CETN3: variants seen among roughly 807,000 people sequenced by gnomAD.
CETN3 encodes centrin-3.
Under a neutral mutation model 20.1 loss-of-function variants are expected in CETN3, and 17 were observed. The ratio of observed to expected loss-of-function variants is 0.85; its 90% confidence interval spans 0.58 to 1.27. The LOEUF is 1.27. CETN3 is among the 50% of genes most tolerant of loss of function. The probability of loss-of-function intolerance (pLI) is 0.00; values close to 1 mark genes in which losing one functional copy is unlikely to be tolerated. For synonymous variants in CETN3, 52 were observed against 59.7 expected, an observed-to-expected ratio of 0.87 and a Z score of 0.59; for missense variants, 169 against 191.2, an observed-to-expected ratio of 0.88 and a Z score of 0.69.
In CETN3 at chr5:90,402,252, C is replaced by G. The variant is rs150776971; in HGVS notation, c.269-2703G>C. Among the ~76,000 whole-genome samples the G allele has an allele frequency of 2.4e-3, 372 of 152,316 alleles. 2 individuals are homozygous for G. Among genetic ancestry groups the G allele is most frequent in the Non-Finnish European group, 4.0e-3 (270 of 68,024 alleles). On this transcript the variant is annotated intron_variant, in intron 3 of 4. Coordinates refer to ENST00000283122, the MANE Select transcript of CETN3 (RefSeq NM_004365.4). ...GTCTCTCTTCCTTCCAACTCATCAT[C>G]AATAATACTCTCATCAGTTTTCTTT...
chr5:90,409,588 C>A (rs1240336669), intron 1 of CETN3, 57 bp downstream of exon 1: 2 of 1,606,784 alleles, frequency 1.2e-6, no homozygotes, highest in African/African-American at 1.3e-5. Flanking sequence ...TCCACACACA[C>A]CCTCCCTGGG....
intron 3 of CETN3, among the ~76,000 whole-genome samples, chr5:90,400,756 C>T (rs953383509): frequency 1.3e-5 from 2 of 152,118 alleles, no homozygotes; most frequent in African/African-American, 4.8e-5. Flanking sequence ...ATATCATCTA[C>T]ACATATTTTC....
chr5:90,399,115 A>ATCT, intron 4 of CETN3: 1 of 586,864 alleles, frequency 1.7e-6, no homozygotes, highest in Non-Finnish European at 3.0e-6. Flanking sequence ...CTGAAATTAT[A>ATCT]TTGAAAGGCT....
intron 3 of CETN3, among the ~76,000 whole-genome samples, chr5:90,402,310 T>C (rs1038051298): frequency 3.9e-5 from 6 of 152,210 alleles, no homozygotes; most frequent in Admixed American, 2.6e-4. Context: ...CCCTTAAAAA[T>C]TGTGAATGAT....
chr5:90,396,378 C>A, intron 4 of CETN3: 1 of 1,395,704 alleles, frequency 7.2e-7, no homozygotes. Flanking sequence ...TGATCTTTAA[C>A]CTTTGCAGTT....
intron 1 of CETN3, among the ~76,000 whole-genome samples, chr5:90,408,552 C>T (rs1282903604): frequency 1.3e-5 from 2 of 151,972 alleles, no homozygotes; most frequent in African/African-American, 4.8e-5. Flanking sequence ...ACATGTAAAC[C>T]GGAGGTTAAC....
chr5:90,396,451 T>A (rs1749138326), intron 4 of CETN3: 1 of 1,521,630 alleles, frequency 6.6e-7, no homozygotes, highest in Admixed American at 2.0e-5. Flanking sequence ...ATAAATACAG[T>A]TCAAATATAT....
intron 3 of CETN3, among the ~76,000 whole-genome samples, chr5:90,400,532 T>C (rs993957143): frequency 6.0e-5 from 9 of 151,196 alleles, no homozygotes; most frequent in African/African-American, 1.5e-4. Flanking sequence ...AAGGTATTTA[T>C]GGCCTTTACT....
rs773598901 is a variant in CETN3 at position 90,394,040 on chromosome 5, C to T, written c.*24G>A. ...AATATAAGATGGTAACTGCAACATT[C>T]TTAGTGTTTATCCTTGTAATTCTTT... is the stretch of plus-strand genomic sequence containing the variant. On this transcript the variant is annotated 3_prime_UTR_variant, in exon 5 of 5. Transcript: ENST00000283122. The T allele has an allele frequency of 6.8e-7, 1 of 1,472,308 alleles. No individual in the cohort carries two copies. Among genetic ancestry groups the T allele is most frequent in the Non-Finnish European group, 9.4e-7 (1 of 1,063,544 alleles). 91.2% of individuals were successfully genotyped at this position (1,472,308 alleles called of 1,614,324 possible).
intron 4 of CETN3, chr5:90,396,486 T>C (rs1433796927): frequency 3.3e-6 from 5 of 1,530,644 alleles, no homozygotes; most frequent in Non-Finnish European, 4.4e-6. Context: ...GTTTAGCCAG[T>C]GTGCACCTTC....
rs754567521 is a variant in CETN3, at chr5:90,405,716, C to T, written c.237G>A (p.Gly79=). 3 of 1,611,504 alleles carry T rather than the reference C, an allele frequency of 1.9e-6. No homozygotes were observed. The highest frequency in any genetic ancestry group is 2.5e-6 in the Non-Finnish European group (3 of 1,177,928). Residue 79 remains glycine (G), a synonymous_variant, in exon 3 of 5, where the codon GGG becomes GGA. Transcript: ENST00000283122. ...ILKDYDREAT[G]KITFEDFNEV... is the part of the protein sequence containing the mutation. ...CATTAAAATCTTCAAAGGTGATTTT[C>T]CCTGTGGCTTCTCTGTCATAATCTT...
At chr5:90,400,874 A>T (rs539537066) in intron 3 of CETN3, among the ~76,000 whole-genome samples, 1 of 152,324 alleles carries the variant, frequency 6.6e-6, no homozygotes, top group East Asian at 1.9e-4. Context: ...ATATTCAGTC[A>T]AAAAGAAGCT....
intron 4 of CETN3, among the ~76,000 whole-genome samples, chr5:90,397,781 T>G (rs2151882069): frequency 6.6e-6 from 1 of 152,268 alleles, no homozygotes; most frequent in African/African-American, 2.4e-5. Context: ...ATTAGCTTTG[T>G]GATAACCTGG....
At chr5:90,396,477 T>C in intron 4 of CETN3, 1 of 1,529,278 alleles carries the variant, frequency 6.5e-7, no homozygotes, top group Non-Finnish European at 8.8e-7. Context: ...TATTAATCAG[T>C]TTAGCCAGTG....
In CETN3 at chr5:90,399,524, A is replaced by C; in HGVS notation, c.294T>G (p.Asp98Glu). The C allele has an allele frequency of 6.2e-7, 1 of 1,613,142 alleles. No individual in the cohort carries two copies. The highest frequency in any genetic ancestry group is 8.5e-7 in the Non-Finnish European group (1 of 1,179,466). ...ATGCCTTGAGTATTTCTTCATGGGG[A>C]TCTCTTTCCAATATCCAGTCTGTCA... ...EVVTDWILER[D>E]PHEEILKAFK... The change falls in exon 4 of 5, where the codon GAT (aspartate) becomes GAG (glutamate). Residue 98 changes from aspartate to glutamate, a missense_variant. Asp to Glu is a conservative substitution (Grantham distance 45). Coordinates refer to ENST00000283122, the MANE Select transcript of CETN3 (RefSeq NM_004365.4).
Position 90,393,892 on chromosome 5 carries a change from A to G in CETN3, c.*172T>C. 1 of 534,650 alleles carries G rather than the reference A, an allele frequency of 1.9e-6. No individual in the cohort carries two copies. Among genetic ancestry groups the G allele is most frequent in the East Asian group, 3.3e-5 (1 of 30,252 alleles). 33.1% of individuals were successfully genotyped at this position (534,650 alleles called of 1,614,324 possible). ...AAGCTAAACTATCTGAGTACTAACA[A>G]CACAGTTCATACAAAGAAACTTAAC... On this transcript the variant is annotated 3_prime_UTR_variant, in exon 5 of 5. Transcript: ENST00000283122.
At chr5:90,406,976 C>T (rs1226773143) in intron 2 of CETN3, among the ~76,000 whole-genome samples, 1 of 151,832 alleles carries the variant, frequency 6.6e-6, no homozygotes, top group Non-Finnish European at 1.5e-5. Flanking sequence ...CCTATCCCTA[C>T]TTGGAATTCT....
chr5:90,407,896 C>A, intron 1 of CETN3, 62 bp from the exon 2 acceptor site: 5 of 1,307,594 alleles, frequency 3.8e-6, no homozygotes, highest in Non-Finnish European at 5.1e-6. Flanking sequence ...CAGAAATTAG[C>A]CAATAATTAC....
chr5:90,407,947 G>A (rs1749499755), intron 1 of CETN3, 113 bp from the exon 2 acceptor site: 3 of 893,890 alleles, frequency 3.4e-6, no homozygotes, highest in Admixed American at 6.0e-5. Context: ...GAGAAAGATA[G>A]GGAAACTTTC....
Sources: gnomAD v4.1 joint callset for allele counts (sites outside exome capture counted in the v4.1 genomes callset) on GRCh38, gnomAD v4.1.1 for gene constraint, MANE v1.5 for transcripts, NCBI Gene and HGNC (gene_info 2026-07-23, HGNC 2026-07-21) for gene names.